CDH18: variants seen among roughly 807,000 people sequenced by gnomAD.
The protein encoded by CDH18 is cadherin-18.
In CDH18, 31 loss-of-function variants were observed where a neutral mutation model predicts 67.9. That is an observed-to-expected ratio of 0.46 (90% CI 0.34 to 0.62). The LOEUF is 0.62. CDH18 is among the 20% of genes least tolerant of loss of function. CDH18 has a pLI of 0.01. For synonymous variants in CDH18, 362 were observed against 347.2 expected (o/e 1.04, Z -0.48); for missense variants, 890 against 975.5 (o/e 0.91, Z 1.17).
chr5:19,638,209 C>T (rs973896048), intron 5 of CDH18, among the ~76,000 whole-genome samples: 2 of 152,126 alleles, frequency 1.3e-5, no homozygotes, highest in African/African-American at 4.8e-5. Flanking sequence ...TTGCATACAG[C>T]CTAATAGAAG....
chr5:20,228,453 A>C (rs1741811431), intron 2 of CDH18, among the ~76,000 whole-genome samples: 1 of 152,114 alleles, frequency 6.6e-6, no homozygotes, highest in Non-Finnish European at 1.5e-5. Flanking sequence ...GTATTACCAC[A>C]CATAGTTATC....
chr5:20,514,842 C>T (rs77231914), intron 1 of CDH18, among the ~76,000 whole-genome samples: 2,594 of 152,134 alleles, frequency 0.017, 68 homozygotes, highest in African/African-American at 0.057. Flanking sequence ...TCTTATTCAT[C>T]TCCAGCTATC....
chr5:19,747,035 C>A lies in CDH18; in HGVS notation c.430G>T (p.Glu144Ter). 6.8e-6 allele frequency: 11 copies of A among 1,614,088 alleles called. No homozygotes were observed. Among genetic ancestry groups the A allele is most frequent in the Non-Finnish European group, 8.5e-6 (10 of 1,180,002 alleles). ...RTNKPLEPES[E>*]FIIKVQDIND... ...ATGTCTTGCACTTTGATGATGAACT[C>A]GGATTCAGGCTCAAGAGGTTTGTTT... Residue 144 changes from glutamate to a stop codon, truncating the protein, a stop_gained, in exon 4 of 13, where the codon GAG (glutamate) becomes TAG (stop). Transcript: ENST00000382275. LOFTEE classifies it high-confidence loss of function.
intron 2 of CDH18, among the ~76,000 whole-genome samples, chr5:19,899,471 T>C (rs549702695): frequency 1.1e-4 from 16 of 152,190 alleles, no homozygotes; most frequent in Admixed American, 2.0e-4. Flanking sequence ...TTGGCAAATA[T>C]GTCAATAAGT....
At chr5:20,329,098 A>C (rs76051531) in intron 1 of CDH18, among the ~76,000 whole-genome samples, 53 of 152,142 alleles carry the variant, frequency 3.5e-4, no homozygotes, top group African/African-American at 1.1e-3. Flanking sequence ...TTAATATCCA[A>C]CTCCCCAAAA....
chr5:19,700,279 C>T (rs1323761575), intron 5 of CDH18, among the ~76,000 whole-genome samples: 1 of 152,120 alleles, frequency 6.6e-6, no homozygotes, highest in Non-Finnish European at 1.5e-5. Flanking sequence ...TTCAACAGCA[C>T]ATATCTAAAC....
At chr5:19,550,702 T>C (rs529581364) in intron 8 of CDH18, among the ~76,000 whole-genome samples, 2 of 118,876 alleles carry the variant, frequency 1.7e-5, no homozygotes, top group East Asian at 5.0e-4. Flanking sequence ...TTTGCTGTTG[T>C]GAATAGTGCC....
At chr5:20,391,826 A>G (rs978094713) in intron 1 of CDH18, among the ~76,000 whole-genome samples, 1 of 152,040 alleles carries the variant, frequency 6.6e-6, no homozygotes, top group African/African-American at 2.4e-5. Context: ...CATTTTTTAT[A>G]CCCAATCTCC....
intron 7 of CDH18, among the ~76,000 whole-genome samples, chr5:19,584,766 G>C (rs959043638): frequency 4.4e-5 from 6 of 136,126 alleles, no homozygotes; most frequent in African/African-American, 1.7e-4. Context: ...AGGGCAACAT[G>C]GTGAGGCCCC....
In CDH18 at chr5:20,122,326, GT is replaced by G. The variant is rs1462944470; in HGVS notation, c.-517-130313del. Reference sequence around the variant, plus strand: ...TACTTTGCCCTGCTGTTTTCTCTATGTTTTTTGTAAAGAATTTGGAGGATAA... The same window carrying G: ...TACTTTGCCCTGCTGTTTTCTCTATGTTTTTGTAAAGAATTTGGAGGATAA... On this transcript the variant is annotated intron_variant, in intron 2 of 14. Transcript: ENST00000507958. Among the ~76,000 whole-genome samples, 6 of 152,162 alleles carry G rather than the reference GT, an allele frequency of 3.9e-5. No individual in the cohort carries two copies. The South Asian group carries it at 1.0e-3, about 26-fold the overall frequency.
chr5:19,878,643 T>C (rs76913905), intron 2 of CDH18, among the ~76,000 whole-genome samples: 4,498 of 151,998 alleles, frequency 0.03, 246 homozygotes, highest in African/African-American at 0.1. Flanking sequence ...ATTATTCAAA[T>C]AGGGAGGTAT....
chr5:20,508,323 TTATATATATATATATATATATATA>T (rs55885279), intron 1 of CDH18, among the ~76,000 whole-genome samples: 6 of 111,200 alleles, frequency 5.4e-5, no homozygotes, highest in African/African-American at 1.3e-4. Context: ...ATGACTATGA[TTATATATATATATATATATATATA>T]TATATATATA....
At chr5:19,613,879 A>G (rs978743713) in intron 5 of CDH18, among the ~76,000 whole-genome samples, 4 of 152,118 alleles carry the variant, frequency 2.6e-5, no homozygotes, top group African/African-American at 9.7e-5. Flanking sequence ...TATGCATATA[A>G]TTATAAAATA....
At chr5:20,445,661 T>G (rs1431665888) in intron 1 of CDH18, among the ~76,000 whole-genome samples, 2 of 151,988 alleles carry the variant, frequency 1.3e-5, no homozygotes, top group East Asian at 3.9e-4. Context: ...ATATCAAGAG[T>G]GGAGGATTCT....
intron 2 of CDH18, among the ~76,000 whole-genome samples, chr5:20,096,023 G>A (rs1278366891): frequency 2.0e-5 from 3 of 151,928 alleles, no homozygotes; most frequent in East Asian, 1.9e-4. Flanking sequence ...TGAAAGGAGA[G>A]CTTATATATG....
chr5:19,689,511 C>T (rs1012939323), intron 5 of CDH18, among the ~76,000 whole-genome samples: 4 of 151,892 alleles, frequency 2.6e-5, no homozygotes, highest in Non-Finnish European at 5.9e-5. Flanking sequence ...ATTAGATCAT[C>T]CCTACAAGAA....
chr5:19,792,711 T>A (rs1776485654), intron 3 of CDH18, among the ~76,000 whole-genome samples: 1 of 152,118 alleles, frequency 6.6e-6, no homozygotes, highest in Non-Finnish European at 1.5e-5. Context: ...CACTAATGAA[T>A]GATGACAACT....
chr5:20,293,734 C>T (rs1322613236), intron 1 of CDH18, among the ~76,000 whole-genome samples: 1 of 152,076 alleles, frequency 6.6e-6, no homozygotes, highest in Non-Finnish European at 1.5e-5. Context: ...TTTGGCATAA[C>T]CGATGCTTTT....
Position 20,186,721 on chromosome 5 carries a change from T to C in CDH18, c.-518+68723A>G, listed in dbSNP as rs149546514. Among the ~76,000 whole-genome samples, 1,245 of 149,546 alleles carry C rather than the reference T, an allele frequency of 8.3e-3. 15 individuals carry two copies. Among genetic ancestry groups the C allele is most frequent in the African/African-American group, 0.029 (1,208 of 41,398 alleles). ...GCTGGTTGAAGTATTAATGATGTAG[T>C]CACTTTGGAAAATGATATAGCAATT... On this transcript the variant is annotated intron_variant, in intron 2 of 14. Coordinates refer to the CDH18 transcript ENST00000507958.
Sources: allele counts gnomAD v4.1 joint callset (sites outside exome capture counted in the v4.1 genomes callset), GRCh38; gene constraint gnomAD v4.1.1; transcripts MANE v1.5; gene names NCBI Gene and HGNC (gene_info 2026-07-23, HGNC 2026-07-21).